The following KIF13A variants were observed in gnomAD, a reference collection of about 807,000 sequenced individuals.
KIF13A encodes the protein kinesin-like protein KIF13A.
KIF13A carries 79 observed loss-of-function variants against 212.2 expected under a neutral mutation model. The observed-to-expected ratio is 0.37, with a 90% CI of 0.31 to 0.45. The LOEUF (loss-of-function observed/expected upper bound fraction) is 0.45. Ranked by LOEUF, KIF13A falls within the 20% of genes least tolerant of loss-of-function variation. The pLI is 1.00. For missense variants in KIF13A, 1,901 were observed against 2,209.0 expected, an observed-to-expected ratio of 0.86 and a Z score of 2.79; for synonymous variants, 789 against 808.6, an observed-to-expected ratio of 0.98 and a Z score of 0.41.
chr6:17,982,437 A>G lies in KIF13A; in HGVS notation c.146+4617T>C, dbSNP rs1781174053. On this transcript the variant is annotated intron_variant, in intron 2 of 38. Coordinates refer to ENST00000259711, the MANE Select transcript of KIF13A (RefSeq NM_022113.6). The surrounding 1 kb of genome is among the most constrained non-coding windows in gnomAD (Gnocchi z 5.1). Reference sequence around the variant, plus strand: ...CATTTTAGATTTCAGATGTTCAGACAGGGATACCGCTGGTGAATAAACTAA... The same window carrying G: ...CATTTTAGATTTCAGATGTTCAGACGGGGATACCGCTGGTGAATAAACTAA... 1.0e-6 allele frequency: 1 copy of G among 984,870 alleles called. No homozygotes were observed. The highest frequency in any genetic ancestry group is 1.2e-6 in the Non-Finnish European group (1 of 829,428). The allele number at this position is 984,870 out of a possible 1,614,324, so 61.0% of individuals were successfully genotyped here.
chr6:17,769,523 G>C lies in KIF13A; in HGVS notation c.4581+1591C>G, dbSNP rs1188901194. Among the ~76,000 whole-genome samples, 1 of 152,054 alleles carries C rather than the reference G, an allele frequency of 6.6e-6. No individual in the cohort carries two copies. Among genetic ancestry groups the C allele is most frequent in the Admixed American group, 6.6e-5 (1 of 15,248 alleles). On this transcript the variant is annotated intron_variant, in intron 38 of 38. Transcript: ENST00000259711. This position sits in a 1 kb window ranked among gnomAD's most constrained non-coding sequence, Gnocchi z 5.8. Reference sequence around the variant, plus strand: ...TCTGCTAGCTGAAAGCCCCGAGATGGGTTTTATTTTAAAATATTAAAGAGA... The same window carrying C: ...TCTGCTAGCTGAAAGCCCCGAGATGCGTTTTATTTTAAAATATTAAAGAGA...
chr6:17,825,938 T>C lies in KIF13A; in HGVS notation c.1620-4A>G. ...TTTCCTCTTAGGTAAGTTTATTCTG[T>C]GGGGTTTTTCACCATTAGAGAAAAT... On this transcript the variant is annotated splice_region_variant and splice_polypyrimidine_tract_variant and intron_variant, in intron 15 of 38. Coordinates refer to ENST00000259711, the MANE Select transcript of KIF13A (RefSeq NM_022113.6). The surrounding 1 kb of genome is among the most constrained non-coding windows in gnomAD (Gnocchi z 4.5). 1 of 1,613,586 alleles carries C rather than the reference T, an allele frequency of 6.2e-7. No homozygotes were observed. Among genetic ancestry groups the C allele is most frequent in the African/African-American group, 1.3e-5 (1 of 74,956 alleles).
chr6:17,860,899 G>A (rs1768707080), intron 4 of KIF13A, among the ~76,000 whole-genome samples: 1 of 152,034 alleles, frequency 6.6e-6, no homozygotes, highest in African/African-American at 2.4e-5. Flanking sequence ...ACACTATGTA[G>A]GTACTAATTA....
rs1763996964 is a variant in KIF13A, at chr6:17,816,876, G to C, written c.2000+144C>G. ...CTTAGGGTGGACAATATTTGTGAAA[G>C]GAAAAGCTAATTGGCAATATCACGT... On this transcript the variant is annotated intron_variant, in intron 17 of 38. Coordinates refer to ENST00000259711, the MANE Select transcript of KIF13A (RefSeq NM_022113.6). This position sits in a 1 kb window ranked among gnomAD's most constrained non-coding sequence, Gnocchi z 4.3. 2 of 651,112 alleles carry C rather than the reference G, an allele frequency of 3.1e-6. No individual in the cohort carries two copies. Among genetic ancestry groups the C allele is most frequent in the South Asian group, 3.9e-5 (2 of 51,200 alleles). The allele number at this position is 651,112 out of a possible 1,614,324, so 40.3% of individuals were successfully genotyped here.
At chr6:17,800,301 TGCCTTAGTGTGA>T (rs1375221317) in intron 20 of KIF13A, among the ~76,000 whole-genome samples, 188 bp from the exon 21 acceptor site, 1 of 152,030 alleles carries the variant, frequency 6.6e-6, no homozygotes, top group Non-Finnish European at 1.5e-5. Flanking sequence ...GTGATCATCC[TGCCTTAGTGTGA>T]GCCAAATTTG....
Position 17,768,978 on chromosome 6 carries a change from T to C in KIF13A, c.4581+2136A>G, listed in dbSNP as rs1352755193. Among the ~76,000 whole-genome samples the C allele has an allele frequency of 6.6e-6, 1 of 152,224 alleles. No individual in the cohort carries two copies. The highest frequency in any genetic ancestry group is 1.5e-5 in the Non-Finnish European group (1 of 68,038). On this transcript the variant is annotated intron_variant, in intron 38 of 38. Coordinates refer to ENST00000259711, the MANE Select transcript of KIF13A (RefSeq NM_022113.6). The surrounding 1 kb of genome is among the most constrained non-coding windows in gnomAD (Gnocchi z 5.4). ...GAATCAAGCATAGCCATGTTTACTA[T>C]ATTTTATGTGAAATTACAGAAGTTA... is the stretch of plus-strand genomic sequence containing the variant.
intron 4 of KIF13A, among the ~76,000 whole-genome samples, chr6:17,870,313 A>T (rs1275034306): frequency 6.6e-6 from 1 of 152,186 alleles, no homozygotes; most frequent in Non-Finnish European, 1.5e-5. Flanking sequence ...AAATTTACTA[A>T]ATTTTAGGCT....
chr6:17,829,104 C>T lies in KIF13A; in HGVS notation c.1402-734G>A, dbSNP rs980367458. ...TTGGGATTACAGGTATGCGCCACCA[C>T]GTCTGGCTAATTTTTATTTTTAGTA... On this transcript the variant is annotated intron_variant, in intron 13 of 38. Coordinates refer to ENST00000259711, the MANE Select transcript of KIF13A (RefSeq NM_022113.6). The surrounding 1 kb of genome is among the most constrained non-coding windows in gnomAD (Gnocchi z 5.4). Among the ~76,000 whole-genome samples, 1 of 152,048 alleles carries T rather than the reference C, an allele frequency of 6.6e-6. No homozygotes were observed. The highest frequency in any genetic ancestry group is 6.6e-5 in the Admixed American group (1 of 15,250).
intron 12 of KIF13A, among the ~76,000 whole-genome samples, chr6:17,831,828 T>C (rs191511376): frequency 6.6e-6 from 1 of 151,144 alleles, no homozygotes; most frequent in Admixed American, 6.6e-5. Flanking sequence ...ATTCACTCAT[T>C]CATTCATTCA....
chr6:17,962,402 A>T (rs952718213), intron 2 of KIF13A, among the ~76,000 whole-genome samples: 1 of 152,176 alleles, frequency 6.6e-6, no homozygotes, highest in South Asian at 2.1e-4. Context: ...AAGGCTGAGG[A>T]GAAGAAGCAA....
At chr6:17,766,075 A>T (rs1017517448) in intron 38 of KIF13A, among the ~76,000 whole-genome samples, 1 of 152,188 alleles carries the variant, frequency 6.6e-6, no homozygotes, top group Admixed American at 6.5e-5. Context: ...GACACCTCAA[A>T]AACAGTTAGC....
intron 3 of KIF13A, among the ~76,000 whole-genome samples, chr6:17,889,406 GAATTT>G (rs1275821032): frequency 6.6e-6 from 1 of 152,160 alleles, no homozygotes; most frequent in Non-Finnish European, 1.5e-5. Flanking sequence ...CACCGAAAGT[GAATTT>G]AATTCACAAG....
rs565850484 is a variant in KIF13A, at chr6:17,890,986, C to T, written c.159+7182G>A. ...AATTTCCCTAATTTACACCTATCTG[C>T]GATACTTCTCAGACAAAAACCTCAG... On this transcript the variant is annotated intron_variant, in intron 3 of 38. Coordinates refer to ENST00000259711, the MANE Select transcript of KIF13A (RefSeq NM_022113.6). Among the ~76,000 whole-genome samples the T allele has an allele frequency of 3.9e-5, 6 of 151,994 alleles. No homozygotes were observed. In the South Asian group the frequency reaches 8.3e-4, roughly 21 times the overall value.
intron 2 of KIF13A, among the ~76,000 whole-genome samples, chr6:17,957,763 G>A (rs1778469239): frequency 6.6e-6 from 1 of 152,178 alleles, no homozygotes; most frequent in South Asian, 2.1e-4. Flanking sequence ...AGTCTTCTGT[G>A]TTGCTTGTTG....
intron 2 of KIF13A, among the ~76,000 whole-genome samples, chr6:17,943,407 T>C (rs1777114729): frequency 6.6e-6 from 1 of 151,438 alleles, no homozygotes; most frequent in East Asian, 1.9e-4. Flanking sequence ...CAGATTTTTT[T>C]TTTTTTTTTT....
At chr6:17,930,229 T>C (rs77990312) in intron 2 of KIF13A, among the ~76,000 whole-genome samples, 5,066 of 152,240 alleles carry the variant, frequency 0.033, 295 homozygotes, top group African/African-American at 0.12. Context: ...TTCATCAATA[T>C]ACATTAAACC....
chr6:17,808,168 C>G (rs898291798), intron 18 of KIF13A, among the ~76,000 whole-genome samples: 2 of 152,202 alleles, frequency 1.3e-5, no homozygotes, highest in African/African-American at 4.8e-5. Context: ...TGCAGAACAT[C>G]TGAACCCAGG....
At chr6:17,949,804 G>A (rs775031313) in intron 2 of KIF13A, among the ~76,000 whole-genome samples, 34 of 152,042 alleles carry the variant, frequency 2.2e-4, no homozygotes, top group Non-Finnish European at 4.4e-4. Flanking sequence ...GTGCCAACTC[G>A]AGTTTTTAAG....
At position 17,764,625 on chromosome 6, in the gene KIF13A, G is replaced by C. The variant is rs1260024724; in HGVS notation, c.4903C>G (p.His1635Asp). The change falls in exon 39 of 39, where the codon CAC becomes GAC. Residue 1635 changes from histidine (H) to aspartate (D), a missense_variant. Coordinates refer to ENST00000259711, the MANE Select transcript of KIF13A (RefSeq NM_022113.6). This position sits in a 1 kb window ranked among gnomAD's most constrained non-coding sequence, Gnocchi z 5.1. ...TCATGCACAAGCGATGGTGTGGAGTGCTCGGTGGAGTCTGCATCCTTCGTC... is the reference window on the plus strand; with the variant it reads ...TCATGCACAAGCGATGGTGTGGAGTCCTCGGTGGAGTCTGCATCCTTCGTC... Reference protein sequence around the residue: ...IQTKDADSTEHSTPSLVHDFR... With the variant: ...IQTKDADSTEDSTPSLVHDFR... 6.2e-7 allele frequency: 1 copy of C among 1,607,334 alleles called. No individual in the cohort carries two copies. The highest frequency in any genetic ancestry group is 2.2e-5 in the East Asian group (1 of 44,512).
Sources: gnomAD v4.1 joint callset for allele counts (sites outside exome capture counted in the v4.1 genomes callset) on GRCh38, gnomAD v4.1.1 for gene constraint, Gnocchi (gnomAD v3.1) non-coding constraint, MANE v1.5 for transcripts, NCBI Gene and HGNC (gene_info 2026-07-23, HGNC 2026-07-21) for gene names.